ADSL: variants seen among roughly 807,000 people sequenced by gnomAD.
ADSL encodes adenylosuccinate lyase.
A neutral mutation model predicts 62.1 loss-of-function variants in ADSL; 44 were observed. The observed-to-expected ratio is 0.71, with a 90% CI of 0.56 to 0.91. The LOEUF (loss-of-function observed/expected upper bound fraction) is 0.91. Ranked by LOEUF, ADSL falls within the 40% of genes least tolerant of loss-of-function variation. The probability of loss-of-function intolerance (pLI) is 0.00; values close to 1 mark genes in which losing one functional copy is unlikely to be tolerated. For missense variants in ADSL, 531 were observed against 627.4 expected (o/e 0.85, Z 1.64); for synonymous variants, 198 against 220.5 (o/e 0.90, Z 0.90).
At chr22:40,382,758 A>G (rs936723985) in intron 2 of ADSL, among the ~76,000 whole-genome samples, 2 of 152,206 alleles carry the variant, frequency 1.3e-5, no homozygotes, top group African/African-American at 4.8e-5. Flanking sequence ...GTGTTAGCCC[A>G]TTTTTGGAAA....
chr22:40,354,879 A>T (rs1187753589), intron 4 of ADSL, among the ~76,000 whole-genome samples: 1 of 152,102 alleles, frequency 6.6e-6, no homozygotes, highest in Non-Finnish European at 1.5e-5. Flanking sequence ...AAAAAAAAAA[A>T]AAAAGAAAAA....
intron 2 of ADSL, among the ~76,000 whole-genome samples, chr22:40,382,403 C>T (rs188446111): frequency 3.4e-4 from 51 of 152,164 alleles, no homozygotes; most frequent in Admixed American, 2.2e-3. Context: ...GGAGTCATGT[C>T]TAAAGTTTCC....
At chr22:40,385,215 T>C (rs990440895) in intron 2 of ADSL, among the ~76,000 whole-genome samples, 3 of 152,150 alleles carry the variant, frequency 2.0e-5, no homozygotes, top group African/African-American at 7.2e-5. Flanking sequence ...GAAACCAGTT[T>C]AGGTGGTGAC....
chr22:40,359,217 T>A, intron 5 of ADSL, 43 bp from the exon 6 acceptor site: 1 of 1,609,490 alleles, frequency 6.2e-7, no homozygotes. Flanking sequence ...ATTCTCACAC[T>A]GGACACATGG....
In ADSL at chr22:40,368,578, A is replaced by G. The variant is rs1290275918; in HGVS notation, c.*2056A>G. The G allele has an allele frequency of 6.6e-6, 1 of 152,204 alleles. No homozygotes were observed. Among genetic ancestry groups the G allele is most frequent in the African/African-American group, 2.4e-5 (1 of 41,454 alleles). The allele number at this position is 152,204 out of a possible 1,614,324, so 9.4% of individuals were successfully genotyped here. A position where few individuals can be genotyped will look rare whatever the true frequency, so the allele number is the denominator to read the frequency against. ...AGTATAGCAAGCAAGCAGGGATAGC[A>G]TAGAGCCATTTGCTCAACTTCCAGA... On this transcript the variant is annotated 3_prime_UTR_variant, in exon 13 of 13. Transcript: ENST00000623063.
In ADSL at chr22:40,354,238, T is replaced by G. The variant is rs1555906176; in HGVS notation, c.403-10T>G. The stretch of plus-strand genomic sequence containing the variant: ...TTCAACCTCTTTCTATCACATGATC[T>G]TTCTTGTAGCTTGCCAGAGTGATCT... On this transcript the variant is annotated splice_polypyrimidine_tract_variant and intron_variant, in intron 3 of 12. Transcript: ENST00000623063. 1 of 1,613,658 alleles carries G rather than the reference T, an allele frequency of 6.2e-7. No individual in the cohort carries two copies. Among genetic ancestry groups the G allele is most frequent in the Non-Finnish European group, 8.5e-7 (1 of 1,179,510 alleles).
At chr22:40,373,280 A>C (rs938909582), downstream of ADSL, 2 of 152,238 alleles carry the variant, frequency 1.3e-5, no homozygotes, top group African/African-American at 4.8e-5. Flanking sequence ...TTAAAAATAT[A>C]TGAAACTTTC....
At position 40,348,039 on chromosome 22, in the gene ADSL, G is replaced by A. The variant is rs73885690; in HGVS notation, c.153+1328G>A. On this transcript the variant is annotated intron_variant, in intron 1 of 12. Transcript: ENST00000623063. ...TGTAGAGTCTGAGTATGTGTTCTTT[G>A]TGTTGGCCTAAAATGCATACAATTT... Among the ~76,000 whole-genome samples, 1,274 of 152,284 alleles carry A rather than the reference G, an allele frequency of 8.4e-3. 19 individuals carry two copies. The highest frequency in any genetic ancestry group is 0.03 in the African/African-American group (1,229 of 41,552).
chr22:40,351,392 G>A (rs894907413), intron 2 of ADSL, among the ~76,000 whole-genome samples: 6 of 151,844 alleles, frequency 4.0e-5, no homozygotes, highest in African/African-American at 7.3e-5. Context: ...GCCTGGTCTC[G>A]AACTCCTGAC....
At chr22:40,357,247 CTTTT>C (rs760770992) in intron 4 of ADSL, among the ~76,000 whole-genome samples, 17 of 102,770 alleles carry the variant, frequency 1.7e-4, no homozygotes, top group Admixed American at 5.1e-4. Flanking sequence ...TTGATTTGGG[CTTTT>C]TTTTTTTTTT....
intron 4 of ADSL, among the ~76,000 whole-genome samples, chr22:40,357,697 T>C (rs907262797): frequency 2.6e-5 from 4 of 152,228 alleles, no homozygotes; most frequent in Admixed American, 6.5e-5. Flanking sequence ...CTACTTCCAA[T>C]CTAGAGCAGC....
intron 9 of ADSL, among the ~76,000 whole-genome samples, chr22:40,362,347 A>G (rs1190249185): frequency 6.6e-6 from 1 of 152,224 alleles, no homozygotes; most frequent in African/African-American, 2.4e-5. Flanking sequence ...TCTGGAAATA[A>G]GTCATGTGAA....
At chr22:40,385,018 A>G (rs1479235789) in intron 2 of ADSL, among the ~76,000 whole-genome samples, 1 of 152,220 alleles carries the variant, frequency 6.6e-6, no homozygotes, top group African/African-American at 2.4e-5. Flanking sequence ...GGGTCTGGAG[A>G]AAGAAGAGGC....
At chr22:40,350,271 C>T (rs1250599486) in intron 2 of ADSL, 2 of 487,336 alleles carry the variant, frequency 4.1e-6, no homozygotes, top group Non-Finnish European at 3.7e-6. Context: ...TTACAGGTGC[C>T]CACCACCACA....
chr22:40,373,300 T>C (rs1022463172), downstream of ADSL: 10 of 152,256 alleles, frequency 6.6e-5, no homozygotes, highest in African/African-American at 1.9e-4. Context: ...CCTGTGATCA[T>C]ATTTCCCTTC....
rs1236778849 is a variant in ADSL at position 40,361,776 on chromosome 22, TA to T, written c.1010+146del. ...AGAGTCTAGCAGGGAGGCAAAAACA[TA>T]AAAAGGACAGTGTGATAAGTGTTAC... is the stretch of plus-strand genomic sequence containing the variant. On this transcript the variant is annotated intron_variant, in intron 9 of 12. Coordinates refer to ENST00000623063, the MANE Select transcript of ADSL (RefSeq NM_000026.4). 6.5e-6 allele frequency: 7 copies of T among 1,083,666 alleles called. No homozygotes were observed. The East Asian group carries it at 1.5e-4, about 24-fold the overall frequency. The allele number at this position is 1,083,666 out of a possible 1,614,324, so 67.1% of individuals were successfully genotyped here. A position where few individuals can be genotyped will look rare whatever the true frequency, so the allele number is the denominator to read the frequency against.
intron 7 of ADSL, 133 bp downstream of exon 7, chr22:40,360,625 T>C (rs2044746914): frequency 1.5e-6 from 1 of 678,408 alleles, no homozygotes; most frequent in Admixed American, 2.7e-5. Flanking sequence ...TTGTGGTCTG[T>C]AAATGAAACC....
chr22:40,353,621 C>CTTCTTTTTTT (rs1555905988), intron 3 of ADSL, among the ~76,000 whole-genome samples: 1 of 114,804 alleles, frequency 8.7e-6, no homozygotes, highest in Non-Finnish European at 1.8e-5. Flanking sequence ...AAAGCATAGC[C>CTTCTTTTTTT]TTTTTTTTTT....
chr22:40,370,509 A>T (rs2045190244), downstream of ADSL: 1 of 152,352 alleles, frequency 6.6e-6, no homozygotes, highest in South Asian at 2.1e-4. Flanking sequence ...ATGGGGGCGC[A>T]AAGCCCCTGG....
Sources: gnomAD v4.1 joint callset for allele counts (sites outside exome capture counted in the v4.1 genomes callset) on GRCh38, gnomAD v4.1.1 for gene constraint, MANE v1.5 for transcripts, NCBI Gene and HGNC (gene_info 2026-07-23, HGNC 2026-07-21) for gene names.